Variants in GRM8 observed in about 807,000 individuals in gnomAD.
GRM8 encodes the protein glutamate metabotropic receptor 8.
Under a neutral mutation model 87.2 loss-of-function variants are expected in GRM8, and 47 were observed. That is an observed-to-expected ratio of 0.54 (90% CI 0.43 to 0.69). GRM8 has a LOEUF of 0.69. GRM8 is among the 30% of genes least tolerant of loss of function. GRM8 has a pLI of 0.00. For synonymous variants in GRM8, 396 were observed against 404.5 expected (o/e 0.98, Z 0.25); for missense variants, 1,019 against 1,139.2 (o/e 0.89, Z 1.52).
At position 126,533,508 on chromosome 7, in the gene GRM8, A is replaced by G. The variant is rs1357088247; in HGVS notation, c.1874T>C (p.Leu625Pro). The G allele has an allele frequency of 6.2e-7, 1 of 1,614,120 alleles. No individual in the cohort carries two copies. Among genetic ancestry groups the G allele is most frequent in the Admixed American group, 1.7e-5 (1 of 60,012 alleles). The change falls in exon 9 of 11, where the codon CTC becomes CCC. Residue 625 changes from leucine (L) to proline (P), a missense_variant. By Grantham distance (98) the Leu-to-Pro change is moderately conservative (BLOSUM62 -3). Transcript: ENST00000339582. ...ATAACAGAGAAAAATCCCCGTTAGG[A>G]GCACGTAACTAAGTTCGCGTCCTGA... ...RASGRELSYV[L>P]LTGIFLCYSI...
chr7:127,058,069 A>T (rs1408661223), intron 3 of GRM8: 1 of 459,430 alleles, frequency 2.2e-6, no homozygotes, highest in Non-Finnish European at 4.5e-6. Flanking sequence ...ACCCTTCTGG[A>T]ATCACGTCTT....
intron 7 of GRM8, among the ~76,000 whole-genome samples, chr7:126,709,073 T>C (rs1161456854): frequency 6.6e-6 from 1 of 152,002 alleles, no homozygotes; most frequent in African/African-American, 2.4e-5. Context: ...ACAAAATAAA[T>C]ATATAAAATT....
chr7:126,790,115 C>G (rs1032480010), intron 6 of GRM8, among the ~76,000 whole-genome samples: 1 of 151,940 alleles, frequency 6.6e-6, no homozygotes. Context: ...TCAAATGATT[C>G]TCCTGCCTCA....
At chr7:126,595,389 T>TTTTAC (rs1797067024) in intron 8 of GRM8, among the ~76,000 whole-genome samples, 1 of 115,868 alleles carries the variant, frequency 8.6e-6, no homozygotes, top group African/African-American at 2.7e-5. Context: ...TTTTATTTTA[T>TTTTAC]TTTATTTTAT....
rs1563454593 is a variant in GRM8 at position 127,051,738 on chromosome 7, G to GAAAAA, written c.727+54757_727+54758insTTTTT. 5.4e-4 allele frequency among the ~76,000 whole-genome samples: 7 copies of GAAAAA among 13,050 alleles called. 1 individual carries two copies. Among genetic ancestry groups the GAAAAA allele is most frequent in the East Asian group, 2.6e-3 (1 of 388 alleles). 8.6% of individuals were successfully genotyped at this position (13,050 alleles called of 152,430 possible). A position where few individuals can be genotyped will look rare whatever the true frequency, so the allele number is the denominator to read the frequency against. ...AGAAATCTCAAAAACATAATGTTGAGCAAAAAAAAAAAAAAAAAAAAAAAA... is the reference window on the plus strand; with the variant it reads ...AGAAATCTCAAAAACATAATGTTGAGAAAAACAAAAAAAAAAAAAAAAAAAAAAAA... On this transcript the variant is annotated intron_variant, in intron 3 of 10. Coordinates refer to ENST00000339582, the MANE Select transcript of GRM8 (RefSeq NM_000845.3).
intron 6 of GRM8, among the ~76,000 whole-genome samples, chr7:126,844,905 G>A (rs918992304): frequency 8.5e-5 from 13 of 152,154 alleles, no homozygotes; most frequent in Non-Finnish European, 1.9e-4. Flanking sequence ...AGTCACATTG[G>A]AGGTTAGGGC....
intron 2 of GRM8, among the ~76,000 whole-genome samples, chr7:127,153,367 G>A (rs561629985): frequency 1.3e-5 from 2 of 152,232 alleles, no homozygotes; most frequent in East Asian, 3.9e-4. Context: ...AGCACAAGGA[G>A]TATGAGAATG....
At chr7:126,761,619 T>C (rs1470179223) in intron 7 of GRM8, among the ~76,000 whole-genome samples, 1 of 152,144 alleles carries the variant, frequency 6.6e-6, no homozygotes, top group African/African-American at 2.4e-5. Context: ...CTCAAAAAGC[T>C]CCATTCCTTT....
chr7:126,546,701 T>A (rs1298699425), intron 8 of GRM8, among the ~76,000 whole-genome samples: 6 of 152,230 alleles, frequency 3.9e-5, no homozygotes, highest in African/African-American at 1.4e-4. Context: ...GGTAAATGTT[T>A]GTTTCATGGT....
intron 3 of GRM8, among the ~76,000 whole-genome samples, chr7:126,984,517 C>A (rs2131886280): frequency 6.6e-6 from 1 of 152,346 alleles, no homozygotes; most frequent in African/African-American, 2.4e-5. Flanking sequence ...TTCTCCCGTG[C>A]TAGATGCTTC....
intron 6 of GRM8, among the ~76,000 whole-genome samples, chr7:126,781,809 G>A (rs1010617702): frequency 6.6e-6 from 1 of 152,068 alleles, no homozygotes; most frequent in Non-Finnish European, 1.5e-5. Context: ...TTGACCTCCT[G>A]GGCTCAGGAC....
chr7:126,935,771 C>T (rs1806249023), intron 3 of GRM8, among the ~76,000 whole-genome samples: 1 of 152,192 alleles, frequency 6.6e-6, no homozygotes, highest in African/African-American at 2.4e-5. Context: ...GAAAACAATA[C>T]ATATGTATAC....
intron 2 of GRM8, among the ~76,000 whole-genome samples, chr7:127,153,434 T>C (rs2116127280): frequency 6.6e-6 from 1 of 152,270 alleles, no homozygotes. Flanking sequence ...ACATGATGAA[T>C]TAGCCTATAG....
At chr7:126,941,431 C>A (rs1806919050) in intron 3 of GRM8, among the ~76,000 whole-genome samples, 1 of 143,808 alleles carries the variant, frequency 7.0e-6, no homozygotes, top group African/African-American at 2.6e-5. Flanking sequence ...CACAGTGAAA[C>A]CCCATCTCTA....
intron 9 of GRM8, among the ~76,000 whole-genome samples, chr7:126,452,292 G>T (rs1201883673): frequency 2.3e-5 from 3 of 130,778 alleles, no homozygotes; most frequent in African/African-American, 8.4e-5. Context: ...TGTGGGGTGG[G>T]GGGAGGGGGG....
At chr7:126,661,619 A>G (rs746587783) in intron 7 of GRM8, among the ~76,000 whole-genome samples, 7 of 152,178 alleles carry the variant, frequency 4.6e-5, no homozygotes, top group African/African-American at 7.2e-5. Context: ...TGAGAATGGA[A>G]GCCCAAGTGT....
chr7:126,756,598 G>C (rs1348033424), intron 7 of GRM8, among the ~76,000 whole-genome samples: 1 of 151,980 alleles, frequency 6.6e-6, no homozygotes, highest in East Asian at 1.9e-4. Flanking sequence ...GAACTATCAG[G>C]CCATAAAAAG....
chr7:126,708,583 A>C (rs529671828), intron 7 of GRM8, among the ~76,000 whole-genome samples: 86 of 150,878 alleles, frequency 5.7e-4, no homozygotes, highest in African/African-American at 2.1e-3. Flanking sequence ...TATCACATAG[A>C]GAGAGCTCCA....
At chr7:126,511,902 G>A (rs190463318) in intron 9 of GRM8, 3 of 152,172 alleles carry the variant, frequency 2.0e-5, no homozygotes, top group South Asian at 2.1e-4. Flanking sequence ...AATCATATGT[G>A]GGGTTGGATC....
Sources: gnomAD v4.1 joint callset for allele counts (sites outside exome capture counted in the v4.1 genomes callset) on GRCh38, gnomAD v4.1.1 for gene constraint, MANE v1.5 for transcripts, NCBI Gene and HGNC (gene_info 2026-07-23, HGNC 2026-07-21) for gene names.